The following SHTN1 variants were observed in gnomAD, a reference collection of about 807,000 sequenced individuals.
The protein encoded by SHTN1 is shootin-1.
In SHTN1, 42 loss-of-function variants were observed where a neutral mutation model predicts 83.1. That is an observed-to-expected ratio of 0.51 (90% CI 0.39 to 0.65). The LOEUF is 0.65. Ranked by LOEUF, SHTN1 falls within the 30% of genes least tolerant of loss-of-function variation. SHTN1 has a pLI of 0.00. For synonymous variants in SHTN1, 224 were observed against 247.7 expected (o/e 0.90, Z 0.90); for missense variants, 622 against 737.8 (o/e 0.84, Z 1.82).
At chr10:117,123,911 A>G in intron 1 of SHTN1, among the ~76,000 whole-genome samples, 1 of 123,236 alleles carries the variant, frequency 8.1e-6, no homozygotes, top group East Asian at 2.6e-4. Flanking sequence ...GTCTCACAAA[A>G]AAAAAAAAAA....
In SHTN1 at chr10:117,086,105, A is replaced by T. The variant is rs145305302; in HGVS notation, c.-188-37595T>A. On this transcript the variant is annotated intron_variant, in intron 1 of 17. Transcript: ENST00000392901. ...CCAGCTAATTTTTTTATTTTAGTAG[A>T]GACGGGGTTTCACCATGTTAGCTAG... Among the ~76,000 whole-genome samples, 958 of 152,068 alleles carry T rather than the reference A, an allele frequency of 6.3e-3. 11 individuals carry two copies. The highest frequency in any genetic ancestry group is 0.022 in the African/African-American group (926 of 41,492).
At chr10:117,042,762 T>C (rs1277911057) in intron 2 of SHTN1, among the ~76,000 whole-genome samples, 1 of 151,686 alleles carries the variant, frequency 6.6e-6, no homozygotes, top group Admixed American at 6.6e-5. Flanking sequence ...ACTACAGGCG[T>C]ACACCACCAC....
chr10:116,927,903 G>T lies in SHTN1; in HGVS notation c.1013-12C>A. On this transcript the variant is annotated splice_polypyrimidine_tract_variant and intron_variant, in intron 10 of 16. Coordinates refer to ENST00000355371, the MANE Select transcript of SHTN1 (RefSeq NM_001127211.3). ...CTGGAGTTCATCAACTGCACAGAGAGCAAACATTCAGAAGAGAGCTGAAAT... is the reference window on the plus strand; with the variant it reads ...CTGGAGTTCATCAACTGCACAGAGATCAAACATTCAGAAGAGAGCTGAAAT... The T allele has an allele frequency of 6.2e-7, 1 of 1,611,930 alleles. No homozygotes were observed. Among genetic ancestry groups the T allele is most frequent in the Non-Finnish European group, 8.5e-7 (1 of 1,179,012 alleles).
intron 2 of SHTN1, among the ~76,000 whole-genome samples, chr10:117,031,982 C>T (rs1376619812): frequency 6.6e-6 from 1 of 151,936 alleles, no homozygotes; most frequent in African/African-American, 2.4e-5. Context: ...GAAAACAAGA[C>T]CCAATGATCT....
At chr10:117,040,163 T>C (rs1267460037) in intron 2 of SHTN1, among the ~76,000 whole-genome samples, 1 of 152,158 alleles carries the variant, frequency 6.6e-6, no homozygotes. Context: ...AGAAAACTGT[T>C]TTTAGATACT....
chr10:116,925,111 G>A (rs748943225), intron 11 of SHTN1, among the ~76,000 whole-genome samples: 7 of 152,130 alleles, frequency 4.6e-5, no homozygotes, highest in African/African-American at 7.2e-5. Context: ...TAGTTATTTT[G>A]TGTGTCAACC....
At position 116,886,369 on chromosome 10, in the gene SHTN1, C is replaced by T; in HGVS notation, c.1871G>A (p.Arg624Lys). Residue 624 changes from arginine (R) to lysine (K), a missense_variant, in exon 17 of 17, where the codon AGA (arginine) becomes AAA (lysine). Arg to Lys is a conservative substitution (Grantham distance 26). Coordinates refer to ENST00000355371, the MANE Select transcript of SHTN1 (RefSeq NM_001127211.3). ...ENKEDSIENV[R>K]ETDSSNC ...TCAGCAGTTGGAGCTGTCTGTCTCT[C>T]TCACGTTTTCAATGCTGTCTTCTTT... is the stretch of plus-strand genomic sequence containing the variant. 1 of 1,555,950 alleles carries T rather than the reference C, an allele frequency of 6.4e-7. No individual in the cohort carries two copies. The highest frequency in any genetic ancestry group is 1.2e-5 in the South Asian group (1 of 84,730).
intron 12 of SHTN1, among the ~76,000 whole-genome samples, chr10:116,917,880 C>T (rs1438426100): frequency 6.6e-6 from 1 of 152,204 alleles, no homozygotes; most frequent in African/African-American, 2.4e-5. Context: ...GAAAAGGAAT[C>T]ATTCTTATCA....
At chr10:116,912,647 A>G (rs1848243781) in intron 13 of SHTN1, among the ~76,000 whole-genome samples, 1 of 152,130 alleles carries the variant, frequency 6.6e-6, no homozygotes, top group Non-Finnish European at 1.5e-5. Context: ...AATTTAATGG[A>G]GGGAAAATTT....
chr10:117,011,778 A>T (rs1437998318), intron 2 of SHTN1, among the ~76,000 whole-genome samples: 1 of 152,226 alleles, frequency 6.6e-6, no homozygotes, highest in East Asian at 1.9e-4. Context: ...GATGCCAAAA[A>T]GTATAAAATG....
At chr10:117,058,423 G>A (rs976645128) in intron 1 of SHTN1, among the ~76,000 whole-genome samples, 8 of 152,050 alleles carry the variant, frequency 5.3e-5, no homozygotes, top group African/African-American at 1.9e-4. Context: ...CACATGAAAA[G>A]ATAGGCAATA....
chr10:116,904,420 G>C (rs981858607), intron 15 of SHTN1, among the ~76,000 whole-genome samples: 2 of 150,632 alleles, frequency 1.3e-5, no homozygotes, highest in African/African-American at 2.4e-5. Flanking sequence ...GTAAGAGTTT[G>C]TAAGTTTGTT....
intron 4 of SHTN1, 25 bp downstream of exon 4, chr10:116,960,111 A>G (rs367557253): frequency 1.2e-4 from 169 of 1,418,828 alleles, no homozygotes; most frequent in Middle Eastern, 5.3e-4. Context: ...AAGCTCAGGT[A>G]AAATTCCTTC....
chr10:116,951,794 T>C, intron 6 of SHTN1, 115 bp downstream of exon 6: 1 of 454,860 alleles, frequency 2.2e-6, no homozygotes. Flanking sequence ...AGATTAAAAT[T>C]GGTACATGGT....
chr10:117,118,428 G>C (rs1853881293), intron 1 of SHTN1, among the ~76,000 whole-genome samples: 1 of 148,602 alleles, frequency 6.7e-6, no homozygotes, highest in Non-Finnish European at 1.5e-5. Context: ...GGAGAAAGGG[G>C]AACTCTCATA....
At chr10:116,886,620 T>G in intron 16 of SHTN1, 54 bp from the exon 17 acceptor site, 1 of 1,603,366 alleles carries the variant, frequency 6.2e-7, no homozygotes, top group Non-Finnish European at 8.5e-7. Context: ...AGAAAATAGT[T>G]GTCTCTGATA....
At chr10:117,079,024 TTTTTTTTA>T (rs1212288435) in intron 1 of SHTN1, among the ~76,000 whole-genome samples, 1 of 3,968 alleles carries the variant, frequency 2.5e-4, no homozygotes, top group South Asian at 0.1. Flanking sequence ...GATTTGTGAA[TTTTTTTTA>T]TTTTTATTTA....
Position 116,886,402 on chromosome 10 carries a change from G to A in SHTN1, c.1838C>T (p.Pro613Leu). The change falls in exon 17 of 17, where the codon CCA becomes CTA. Residue 613 changes from proline (P) to leucine (L), a missense_variant. Pro to Leu is a moderately conservative substitution (Grantham distance 98). Transcript: ENST00000355371. Reference sequence around the variant, plus strand: ...TTCAATGCTGTCTTCTTTGTTTTCTGGTTGAATTTCGCCTTCATCCTCCTT... The same window carrying A: ...TTCAATGCTGTCTTCTTTGTTTTCTAGTTGAATTTCGCCTTCATCCTCCTT... ...QHKEDEGEIQ[P>L]ENKEDSIENV... The A allele has an allele frequency of 6.3e-7, 1 of 1,582,458 alleles. No individual in the cohort carries two copies. The highest frequency in any genetic ancestry group is 8.6e-7 in the Non-Finnish European group (1 of 1,162,148).
chr10:117,014,283 T>C (rs1457477714), intron 2 of SHTN1, among the ~76,000 whole-genome samples: 4 of 152,176 alleles, frequency 2.6e-5, no homozygotes, highest in Non-Finnish European at 5.9e-5. Flanking sequence ...AAATGGACTT[T>C]GCTGCATGCA....
Sources: allele counts gnomAD v4.1 joint callset (sites outside exome capture counted in the v4.1 genomes callset), GRCh38; gene constraint gnomAD v4.1.1; transcripts MANE v1.5; gene names NCBI Gene and HGNC (gene_info 2026-07-23, HGNC 2026-07-21).